Variants in COL4A1 observed in about 807,000 individuals in gnomAD.
COL4A1 encodes the protein collagen type IV alpha 1 chain.
Under a neutral mutation model 216.6 loss-of-function variants are expected in COL4A1, and 40 were observed. That is an observed-to-expected ratio of 0.18 (90% CI 0.14 to 0.24). The LOEUF (loss-of-function observed/expected upper bound fraction) is 0.24. COL4A1 is among the 10% of genes least tolerant of loss of function. The pLI is 1.00. For missense variants in COL4A1, 1,628 were observed against 2,196.8 expected, an observed-to-expected ratio of 0.74 and a Z score of 5.18; for synonymous variants, 839 against 810.7, an observed-to-expected ratio of 1.03 and a Z score of -0.59.
intron 1 of COL4A1, among the ~76,000 whole-genome samples, chr13:110,287,532 C>T (rs1056966274): frequency 6.6e-6 from 1 of 152,314 alleles, no homozygotes; most frequent in African/African-American, 2.4e-5. Flanking sequence ...ATTTGGGGCT[C>T]TCATTGTATC....
chr13:110,249,200 T>C (rs1353907133), intron 1 of COL4A1, among the ~76,000 whole-genome samples: 2 of 151,876 alleles, frequency 1.3e-5, no homozygotes, highest in African/African-American at 4.8e-5. Context: ...GTGGCAAAGG[T>C]AGGGACAAGG....
At chr13:110,252,766 ATC>A in intron 1 of COL4A1, among the ~76,000 whole-genome samples, 1 of 143,312 alleles carries the variant, frequency 7.0e-6, no homozygotes, top group South Asian at 2.3e-4. Flanking sequence ...ATATGTATGT[ATC>A]ATATAAACAT....
At position 110,156,082 on chromosome 13, in the gene COL4A1, G is replaced by C. The variant is rs1432081587; in HGVS notation, c.4641-685C>G. Among the ~76,000 whole-genome samples the C allele has an allele frequency of 2.0e-5, 3 of 152,264 alleles. No individual in the cohort carries two copies. The South Asian group carries it at 6.2e-4, about 32-fold the overall frequency. ...TAGCGAGACCTGCCCCTAAAATATTGTTTAAAAAATAGATCCAACACGAGT... is the reference window on the plus strand; with the variant it reads ...TAGCGAGACCTGCCCCTAAAATATTCTTTAAAAAATAGATCCAACACGAGT... On this transcript the variant is annotated intron_variant, in intron 49 of 51. Coordinates refer to ENST00000375820, the MANE Select transcript of COL4A1 (RefSeq NM_001845.6).
chr13:110,178,501 G>C (rs1877992270), intron 31 of COL4A1, among the ~76,000 whole-genome samples: 1 of 152,158 alleles, frequency 6.6e-6, no homozygotes, highest in South Asian at 2.1e-4. Context: ...GCAGTACTTA[G>C]GACTAGGGCT....
chr13:110,164,979 G>T lies in COL4A1; in HGVS notation c.4033C>A (p.Pro1345Thr). The change falls in exon 46 of 52, where the codon CCT becomes ACT. Residue 1345 changes from proline to threonine, a missense_variant. By Grantham distance (38) the Pro-to-Thr change is conservative. Coordinates refer to ENST00000375820, the MANE Select transcript of COL4A1 (RefSeq NM_001845.6). ...TCGTAAGGACCTGGGGGGCCAGGAG[G>T]ACCCGGGAGACCTGTGGGAATAGGG... is the stretch of plus-strand genomic sequence containing the variant. ...GVPGAKGLPG[P>T]PGPPGPYDII... The T allele has an allele frequency of 6.2e-7, 1 of 1,604,486 alleles. No homozygotes were observed. Among genetic ancestry groups the T allele is most frequent in the South Asian group, 1.1e-5 (1 of 88,884 alleles).
chr13:110,156,375 T>C (rs1328043542), intron 49 of COL4A1, among the ~76,000 whole-genome samples: 1 of 152,214 alleles, frequency 6.6e-6, no homozygotes, highest in East Asian at 1.9e-4. Flanking sequence ...GTGAGTTGAG[T>C]AACTAAGACA....
chr13:110,267,040 A>C (rs623157), intron 1 of COL4A1, among the ~76,000 whole-genome samples: 124,352 of 152,216 alleles, frequency 0.82, 50,913 homozygotes, highest in East Asian at 0.99. Flanking sequence ...ACCAGCAGCC[A>C]AGGGCAAATG....
rs555900966 is a variant in COL4A1, at chr13:110,237,787, G to A, written c.144+4888C>T. Among the ~76,000 whole-genome samples the A allele has an allele frequency of 2.6e-5, 4 of 152,338 alleles. No homozygotes were observed. In the East Asian group the frequency reaches 7.7e-4, roughly 29 times the overall value. ...ATGCAGAGAGACAGGTTTATACAAAGGTGTGACATGGACATACACCGATTG... is the reference window on the plus strand; with the variant it reads ...ATGCAGAGAGACAGGTTTATACAAAAGTGTGACATGGACATACACCGATTG... On this transcript the variant is annotated intron_variant, in intron 2 of 51. Transcript: ENST00000375820.
At chr13:110,163,631 A>G in intron 46 of COL4A1, 70 bp from the exon 47 acceptor site, 2 of 1,406,540 alleles carry the variant, frequency 1.4e-6, no homozygotes, top group Non-Finnish European at 2.0e-6. Context: ...CCCTTCTTAA[A>G]TGTCCTTTTC....
chr13:110,187,846 C>T (rs528187715), intron 24 of COL4A1, among the ~76,000 whole-genome samples: 41 of 152,312 alleles, frequency 2.7e-4, no homozygotes, highest in African/African-American at 8.9e-4. Flanking sequence ...CACCTCCTGG[C>T]CAGTGCTGAA....
At position 110,184,680 on chromosome 13, in the gene COL4A1, CTG is replaced by C. The variant is rs35682248; in HGVS notation, c.1898-1406_1898-1405del. 1.5e-4 allele frequency among the ~76,000 whole-genome samples: 22 copies of C among 149,938 alleles called. No individual in the cohort carries two copies. In the East Asian group the frequency reaches 1.8e-3, roughly 12 times the overall value. On this transcript the variant is annotated intron_variant, in intron 26 of 51. Coordinates refer to ENST00000375820, the MANE Select transcript of COL4A1 (RefSeq NM_001845.6). ...CATACTGGAATGCTTAGGAACTGGACTGTGTGTGTGTGTGTGTGTGTGTTTTG... is the reference window on the plus strand; with the variant it reads ...CATACTGGAATGCTTAGGAACTGGACTGTGTGTGTGTGTGTGTGTGTTTTG...
chr13:110,212,284 G>C (rs1456196516), intron 6 of COL4A1, 133 bp downstream of exon 6: 1 of 1,092,812 alleles, frequency 9.2e-7, no homozygotes, highest in Non-Finnish European at 1.4e-6. Flanking sequence ...ACTAAATAAA[G>C]CAAACTTTAA....
At chr13:110,219,678 G>GTATATA (rs1555307861) in intron 2 of COL4A1, among the ~76,000 whole-genome samples, 1 of 123,236 alleles carries the variant, frequency 8.1e-6, no homozygotes, top group African/African-American at 3.3e-5. Context: ...ATATATATAT[G>GTATATA]TGTATATATA....
At chr13:110,193,781 T>C (rs934190486) in intron 22 of COL4A1, among the ~76,000 whole-genome samples, 3 of 152,094 alleles carry the variant, frequency 2.0e-5, no homozygotes, top group Non-Finnish European at 4.4e-5. Flanking sequence ...AGGCACATGG[T>C]TTCATTTCGA....
Position 110,212,439 on chromosome 13 carries a change from A to C in COL4A1, c.365T>G (p.Ile122Ser). ...GQDGPPGPPG[I>S]PGCNGTKGER... Reference sequence around the variant, plus strand: ...TACCTTTGTGCCATTGCATCCTGGAATACCTGGGGGGCCTGGCGGGCCGTC... The same window carrying C: ...TACCTTTGTGCCATTGCATCCTGGACTACCTGGGGGGCCTGGCGGGCCGTC... Residue 122 changes from isoleucine (I) to serine (S), a missense_variant, in exon 6 of 52, where the codon ATT (isoleucine) becomes AGT (serine). Physicochemically the swap from Ile to Ser is moderately radical, Grantham distance 142. Transcript: ENST00000375820. 1.2e-6 allele frequency: 2 copies of C among 1,614,046 alleles called. No individual in the cohort carries two copies. Among genetic ancestry groups the C allele is most frequent in the Non-Finnish European group, 1.7e-6 (2 of 1,180,032 alleles).
rs78952029 is a variant in COL4A1 at position 110,285,421 on chromosome 13, G to C, written c.84+21523C>G. 6.6e-3 allele frequency among the ~76,000 whole-genome samples: 1,008 copies of C among 152,300 alleles called. 13 individuals carry two copies. The highest frequency in any genetic ancestry group is 0.022 in the African/African-American group (928 of 41,556). ...ACACATTTAGGAACAGCAGCCCTTA[G>C]TAAGCGTCTGTCTTCTGCAGTGGAA... On this transcript the variant is annotated intron_variant, in intron 1 of 51. Transcript: ENST00000375820.
At chr13:110,205,266 G>C (rs2139196093) in intron 17 of COL4A1, 87 bp downstream of exon 17, 1 of 1,499,684 alleles carries the variant, frequency 6.7e-7, no homozygotes, top group South Asian at 1.1e-5. Flanking sequence ...CTTGAGTACA[G>C]AGTCCTTTAT....
At chr13:110,283,273 G>C (rs1487485467) in intron 1 of COL4A1, among the ~76,000 whole-genome samples, 1 of 152,238 alleles carries the variant, frequency 6.6e-6, no homozygotes, top group South Asian at 2.1e-4. Flanking sequence ...AGAAAATAAA[G>C]AATAATGTAG....
intron 2 of COL4A1, among the ~76,000 whole-genome samples, chr13:110,232,771 G>A (rs1881125340): frequency 6.6e-6 from 1 of 151,912 alleles, no homozygotes; most frequent in Non-Finnish European, 1.5e-5. Context: ...ATTTTCTGCT[G>A]CTCCTTCTGA....
Sources: gnomAD v4.1 joint callset for allele counts (sites outside exome capture counted in the v4.1 genomes callset) on GRCh38, gnomAD v4.1.1 for gene constraint, MANE v1.5 for transcripts, NCBI Gene and HGNC (gene_info 2026-07-23, HGNC 2026-07-21) for gene names.